The following DDAH1 variants were observed in gnomAD, a reference collection of about 807,000 sequenced individuals.
DDAH1 encodes the protein dimethylarginine dimethylaminohydrolase 1.
DDAH1 carries 19 observed loss-of-function variants against 28.8 expected under a neutral mutation model. The observed-to-expected ratio is 0.66, with a 90% CI of 0.46 to 0.97. DDAH1 has a LOEUF of 0.97. DDAH1 is among the 50% of genes least tolerant of loss of function. The pLI is 0.00. For missense variants in DDAH1, 326 were observed against 375.9 expected (o/e 0.87, Z 1.10); for synonymous variants, 153 against 154.4 (o/e 0.99, Z 0.07).
intron 1 of DDAH1, among the ~76,000 whole-genome samples, chr1:85,566,719 G>T (rs533827608): frequency 2.4e-4 from 36 of 152,294 alleles, no homozygotes; most frequent in Middle Eastern, 3.4e-3. Flanking sequence ...AATTGTATTA[G>T]ATTAGTTATG....
intron 1 of DDAH1, among the ~76,000 whole-genome samples, chr1:85,409,654 T>C (rs985414482): frequency 1.9e-4 from 29 of 152,204 alleles, no homozygotes; most frequent in African/African-American, 7.0e-4. Flanking sequence ...AAGGGCTACC[T>C]GACTTCCACA....
At chr1:85,535,852 C>T (rs1176520519) in intron 1 of DDAH1, among the ~76,000 whole-genome samples, 2 of 151,696 alleles carry the variant, frequency 1.3e-5, no homozygotes, top group Middle Eastern at 3.4e-3. Context: ...CCAAATAACC[C>T]AATTTTTAAG....
At chr1:85,500,113 CTTTT>C (rs201600751) in intron 1 of DDAH1, among the ~76,000 whole-genome samples, 37,355 of 78,070 alleles carry the variant, frequency 0.48, 5,627 homozygotes, top group South Asian at 0.6. Context: ...TCTTTCTTTT[CTTTT>C]CTTTCTTTCT....
intron 1 of DDAH1, among the ~76,000 whole-genome samples, chr1:85,410,071 A>T (rs570029086): frequency 6.8e-6 from 1 of 147,866 alleles, no homozygotes; most frequent in Admixed American, 6.7e-5. Context: ...ACTTGAGCCC[A>T]GGAGTTCAAG....
chr1:85,429,101 G>T (rs910197390), intron 1 of DDAH1, among the ~76,000 whole-genome samples: 6 of 151,960 alleles, frequency 3.9e-5, no homozygotes, highest in Non-Finnish European at 7.4e-5. Flanking sequence ...ATGCCATGGT[G>T]GTTTGCTGCA....
chr1:85,334,338 T>C (rs776840942), intron 4 of DDAH1, among the ~76,000 whole-genome samples: 64 of 152,134 alleles, frequency 4.2e-4, no homozygotes, highest in Admixed American at 1.8e-3. Flanking sequence ...TCTTAGACAG[T>C]TCTTTAAAGC....
chr1:85,482,538 G>A (rs1303981448), intron 2 of DDAH1: 2 of 152,188 alleles, frequency 1.3e-5, no homozygotes, highest in African/African-American at 4.8e-5. Flanking sequence ...TAACGAAACA[G>A]TGAATTTTGT....
intron 1 of DDAH1, among the ~76,000 whole-genome samples, chr1:85,450,103 T>C (rs1471414608): frequency 6.6e-6 from 1 of 152,236 alleles, no homozygotes; most frequent in African/African-American, 2.4e-5. Flanking sequence ...TACAACTTTA[T>C]GAGACAAGTT....
intron 1 of DDAH1, among the ~76,000 whole-genome samples, chr1:85,554,873 A>G (rs755557834): frequency 4.6e-5 from 7 of 152,182 alleles, no homozygotes; most frequent in Non-Finnish European, 8.8e-5. Flanking sequence ...ATTTCTCAGT[A>G]CTCTTGACTA....
intron 2 of DDAH1, among the ~76,000 whole-genome samples, chr1:85,491,899 C>T (rs1656419214): frequency 6.6e-6 from 1 of 152,130 alleles, no homozygotes; most frequent in Non-Finnish European, 1.5e-5. Context: ...CCTATACTGG[C>T]ATGAGGAATA....
At chr1:85,444,041 CCAACACTATGTT>C (rs1654324138) in intron 1 of DDAH1, among the ~76,000 whole-genome samples, 1 of 152,144 alleles carries the variant, frequency 6.6e-6, no homozygotes, top group East Asian at 1.9e-4. Context: ...GCCAGAACTT[CCAACACTATGTT>C]GAACAGGAGT....
intron 1 of DDAH1, among the ~76,000 whole-genome samples, chr1:85,562,562 G>C (rs1659171156): frequency 6.6e-6 from 1 of 152,130 alleles, no homozygotes; most frequent in Non-Finnish European, 1.5e-5. Context: ...CTAATCCAAT[G>C]ACTGGTACCC....
chr1:85,474,831 C>A (rs1006154852), intron 2 of DDAH1, among the ~76,000 whole-genome samples: 1 of 152,110 alleles, frequency 6.6e-6, no homozygotes, highest in African/African-American at 2.4e-5. Flanking sequence ...CCCCTTCCAG[C>A]TTTAAGAATC....
chr1:85,549,338 T>C (rs1236692688), intron 1 of DDAH1, among the ~76,000 whole-genome samples: 2 of 152,210 alleles, frequency 1.3e-5, no homozygotes, highest in East Asian at 3.9e-4. Context: ...CCACCTGGAG[T>C]GCTTGTTTAA....
intron 1 of DDAH1, among the ~76,000 whole-genome samples, chr1:85,390,069 T>G (rs1291306854): frequency 1.3e-5 from 2 of 152,172 alleles, no homozygotes; most frequent in Non-Finnish European, 2.9e-5. Context: ...GAAAGAAATA[T>G]GTGGTCGCAT....
chr1:85,548,155 A>C (rs1658681192), intron 1 of DDAH1, among the ~76,000 whole-genome samples: 1 of 152,230 alleles, frequency 6.6e-6, no homozygotes, highest in Admixed American at 6.5e-5. Flanking sequence ...CAAATTCTTT[A>C]AAAGCATTAT....
intron 1 of DDAH1, among the ~76,000 whole-genome samples, chr1:85,557,783 G>C (rs1164930785): frequency 6.6e-6 from 1 of 152,148 alleles, no homozygotes; most frequent in Non-Finnish European, 1.5e-5. Flanking sequence ...ATTCTTACAG[G>C]AAGAGGAAAT....
At chr1:85,415,143 T>G (rs918159784) in intron 1 of DDAH1, among the ~76,000 whole-genome samples, 4 of 150,864 alleles carry the variant, frequency 2.7e-5, no homozygotes, top group Middle Eastern at 3.4e-3. Context: ...GCCTCCTGAG[T>G]AGCTGGGATT....
chr1:85,518,661 C>A (rs1657558022), intron 1 of DDAH1, among the ~76,000 whole-genome samples: 1 of 152,172 alleles, frequency 6.6e-6, no homozygotes, highest in Admixed American at 6.5e-5. Flanking sequence ...AGATTGGGTG[C>A]ACCTAGATAG....
Sources: allele counts gnomAD v4.1 joint callset (sites outside exome capture counted in the v4.1 genomes callset), GRCh38; gene constraint gnomAD v4.1.1; transcripts MANE v1.5; gene names NCBI Gene and HGNC (gene_info 2026-07-23, HGNC 2026-07-21).